PCDHGA1: variants seen among roughly 807,000 people sequenced by gnomAD.
PCDHGA1 encodes protocadherin gamma-A1.
PCDHGA1 carries 32 observed loss-of-function variants against 58.0 expected under a neutral mutation model. That is an observed-to-expected ratio of 0.55 (90% CI 0.42 to 0.74). The LOEUF (loss-of-function observed/expected upper bound fraction) is 0.74. Among genes scored for constraint, PCDHGA1 ranks in the 30% least tolerant of loss-of-function variants. The pLI, the probability that PCDHGA1 is intolerant of heterozygous loss-of-function variation, is 0.00. For synonymous variants in PCDHGA1, 498 were observed against 501.1 expected, an observed-to-expected ratio of 0.99 and a Z score of 0.08; for missense variants, 1,205 against 1,182.3, an observed-to-expected ratio of 1.02 and a Z score of -0.28.
intron 1 of PCDHGA1, among the ~76,000 whole-genome samples, chr5:141,474,061 T>A (rs2099339173): frequency 1.3e-5 from 2 of 152,058 alleles, no homozygotes; most frequent in Admixed American, 6.6e-5. Flanking sequence ...CAGAGCGAGA[T>A]CCTGCCTCAG....
At chr5:141,374,976 C>T (rs774690686) in intron 1 of PCDHGA1, 1 of 1,614,016 alleles carries the variant, frequency 6.2e-7, no homozygotes, top group South Asian at 1.1e-5. Context: ...AATGTTTTGA[C>T]TGGAGAAATT....
intron 1 of PCDHGA1, chr5:141,360,392 T>C: frequency 6.2e-7 from 1 of 1,613,906 alleles, no homozygotes; most frequent in South Asian, 1.1e-5. Flanking sequence ...GACTTACTTG[T>C]GAGTGACAGA....
Position 141,476,114 on chromosome 5 carries a change from G to A in PCDHGA1, c.2422-18693G>A. Reference sequence around the variant, plus strand: ...CCGCTGAGAGGAACTGCTTTTGAGTGAGATGGTCCCAGAGGCCTGGAGGAG... The same window carrying A: ...CCGCTGAGAGGAACTGCTTTTGAGTAAGATGGTCCCAGAGGCCTGGAGGAG... On this transcript the variant is annotated intron_variant, in intron 1 of 3. Coordinates refer to ENST00000517417, the MANE Select transcript of PCDHGA1 (RefSeq NM_018912.3). The surrounding 1 kb of genome is among the most constrained non-coding windows in gnomAD (Gnocchi z 7.6). 6.3e-7 allele frequency: 1 copy of A among 1,592,296 alleles called. No individual in the cohort carries two copies. The highest frequency in any genetic ancestry group is 8.5e-7 in the Non-Finnish European group (1 of 1,171,536).
rs780491756 is a variant in PCDHGA1 at position 141,375,972 on chromosome 5, G to A, written c.2421+42867G>A. ...CACACGGGCGAGGTGCGCACGGCGC[G>A]CGCCCTGCTGGACAGAGACGCGCTC... is the stretch of plus-strand genomic sequence containing the variant. On this transcript the variant is annotated intron_variant, in intron 1 of 3. Transcript: ENST00000517417. 9.9e-6 allele frequency: 16 copies of A among 1,613,336 alleles called. No homozygotes were observed. In the Admixed American group the frequency reaches 1.0e-4, roughly 10 times the overall value.
At position 141,389,566 on chromosome 5, in the gene PCDHGA1, T is replaced by A. The variant is rs757362223; in HGVS notation, c.2421+56461T>A. On this transcript the variant is annotated intron_variant, in intron 1 of 3. Transcript: ENST00000517417. ...CGCAACGACAATGCGCCACGGGTGC[T>A]GTACCCCGCGCTGGGTCCCGACGGC... The A allele has an allele frequency of 3.2e-5, 52 of 1,613,278 alleles. No homozygotes were observed. The Middle Eastern group carries it at 6.6e-4, about 21-fold the overall frequency.
chr5:141,387,793 A>T, intron 1 of PCDHGA1: 1 of 1,495,928 alleles, frequency 6.7e-7, no homozygotes, highest in Non-Finnish European at 8.9e-7. Flanking sequence ...CTGCAACTAA[A>T]GTCCGTTCGG....
At chr5:141,392,763 A>G in intron 1 of PCDHGA1, 4 of 1,480,256 alleles carry the variant, frequency 2.7e-6, no homozygotes, top group Non-Finnish European at 3.6e-6. Context: ...ACTAAATAAG[A>G]CCCATTTATG....
chr5:141,351,647 C>A (rs566032831), intron 1 of PCDHGA1: 2 of 1,614,058 alleles, frequency 1.2e-6, no homozygotes, highest in Non-Finnish European at 1.7e-6. Flanking sequence ...GAACAACCCA[C>A]CTGGCGCCTC....
intron 1 of PCDHGA1, chr5:141,408,686 A>G (rs2095150873): frequency 6.2e-7 from 1 of 1,613,848 alleles, no homozygotes; most frequent in Non-Finnish European, 8.5e-7. Flanking sequence ...GGATCCTGAT[A>G]TAAACATAAA....
chr5:141,393,108 A>G (rs1318511234), intron 1 of PCDHGA1: 6 of 1,613,438 alleles, frequency 3.7e-6, no homozygotes, highest in Non-Finnish European at 5.1e-6. Context: ...CTGCGCTCAG[A>G]GCCCGCGGTG....
At chr5:141,492,132 C>A (rs1289132641) in intron 1 of PCDHGA1, among the ~76,000 whole-genome samples, 3 of 152,220 alleles carry the variant, frequency 2.0e-5, no homozygotes, top group African/African-American at 4.8e-5. Context: ...CAGCTCCCAG[C>A]ATCTGTGACT....
At chr5:141,355,770 G>A in intron 1 of PCDHGA1, 1 of 1,613,888 alleles carries the variant, frequency 6.2e-7, no homozygotes. Context: ...ATGGGATTAA[G>A]TACCCAGAGC....
intron 1 of PCDHGA1, among the ~76,000 whole-genome samples, chr5:141,465,219 C>A (rs1272266733): frequency 6.6e-6 from 1 of 152,004 alleles, no homozygotes; most frequent in Non-Finnish European, 1.5e-5. Context: ...TATTTTTCAA[C>A]ATGAGCTCCA....
Position 141,489,381 on chromosome 5 carries a change from T to C in PCDHGA1, c.2422-5426T>C. 3 of 1,613,894 alleles carry C rather than the reference T, an allele frequency of 1.9e-6. No individual in the cohort carries two copies. The highest frequency in any genetic ancestry group is 2.5e-6 in the Non-Finnish European group (3 of 1,179,802). On this transcript the variant is annotated intron_variant, in intron 1 of 3. Coordinates refer to ENST00000517417, the MANE Select transcript of PCDHGA1 (RefSeq NM_018912.3). The surrounding 1 kb of genome is among the most constrained non-coding windows in gnomAD (Gnocchi z 4.5). ...CTGAGCCGGGGACGCTGGTGGGGAA[T>C]GTTGCTCAGGATCTGGGCTTAAAGA...
At chr5:141,340,490 A>G (rs1483605226) in intron 1 of PCDHGA1, 1 of 1,613,992 alleles carries the variant, frequency 6.2e-7, no homozygotes, top group Non-Finnish European at 8.5e-7. Context: ...TTACATCTCT[A>G]TCAACTCCGA....
chr5:141,356,416 ACAC>A, intron 1 of PCDHGA1: 6 of 1,603,068 alleles, frequency 3.7e-6, no homozygotes, highest in Non-Finnish European at 5.1e-6. Context: ...TCGGTTGTTG[ACAC>A]ACAGAACACT....
Position 141,485,151 on chromosome 5 carries a change from T to C in PCDHGA1, c.2422-9656T>C, listed in dbSNP as rs1191585056. 1.0e-5 allele frequency: 16 copies of C among 1,584,876 alleles called. No homozygotes were observed. Among genetic ancestry groups the C allele is most frequent in the Non-Finnish European group, 1.3e-5 (15 of 1,156,528 alleles). On this transcript the variant is annotated intron_variant, in intron 1 of 3. Coordinates refer to ENST00000517417, the MANE Select transcript of PCDHGA1 (RefSeq NM_018912.3). This position sits in a 1 kb window ranked among gnomAD's most constrained non-coding sequence, Gnocchi z 5.7. ...GCTTCATCCGCGTCTCAGGAGCAAG[T>C]AGAGAATTAGCGGGCGGCAGCAATG...
chr5:141,399,958 G>A (rs2093927763), intron 1 of PCDHGA1: 5 of 1,612,004 alleles, frequency 3.1e-6, no homozygotes, highest in Non-Finnish European at 4.2e-6. Context: ...TAGCGAGCCC[G>A]GGCTCTTCAG....
At chr5:141,443,317 C>CA (rs35054295) in intron 1 of PCDHGA1, among the ~76,000 whole-genome samples, 76,100 of 141,790 alleles carry the variant, frequency 0.54, 21,234 homozygotes, top group African/African-American at 0.75. Flanking sequence ...CCCATCTCTA[C>CA]AAAAAAAAAA....
Sources: gnomAD v4.1 joint callset for allele counts (sites outside exome capture counted in the v4.1 genomes callset) on GRCh38, gnomAD v4.1.1 for gene constraint, Gnocchi (gnomAD v3.1) non-coding constraint, MANE v1.5 for transcripts, NCBI Gene and HGNC (gene_info 2026-07-23, HGNC 2026-07-21) for gene names.